Variants in NAV1 observed in about 807,000 individuals in gnomAD.
The protein encoded by NAV1 is neuron navigator 1.
A neutral mutation model predicts 175.2 loss-of-function variants in NAV1; 18 were observed. The ratio of observed to expected loss-of-function variants is 0.10; its 90% CI spans 0.07 to 0.15. The LOEUF is 0.15. Ranked by LOEUF, NAV1 falls within the 10% of genes least tolerant of loss-of-function variation. The probability of loss-of-function intolerance (pLI) is 1.00; values close to 1 mark genes in which losing one functional copy is unlikely to be tolerated. For synonymous variants in NAV1, 897 were observed against 978.7 expected, an observed-to-expected ratio of 0.92 and a Z score of 1.56; for missense variants, 1,731 against 2,436.6, an observed-to-expected ratio of 0.71 and a Z score of 6.10.
chr1:201,659,701 A>C (rs1054325146), intron 1 of NAV1, among the ~76,000 whole-genome samples: 3 of 152,224 alleles, frequency 2.0e-5, no homozygotes, highest in Non-Finnish European at 4.4e-5. Context: ...CCAGTTATCC[A>C]GCTTTGTTTG....
At chr1:201,682,459 C>T (rs1670505305) in intron 1 of NAV1, among the ~76,000 whole-genome samples, 1 of 152,272 alleles carries the variant, frequency 6.6e-6, no homozygotes, top group African/African-American at 2.4e-5. Flanking sequence ...CCCCACTCTC[C>T]CTGGTCAGGC....
chr1:201,657,590 C>T (rs907642785), intron 1 of NAV1, among the ~76,000 whole-genome samples: 2 of 152,240 alleles, frequency 1.3e-5, no homozygotes, highest in Non-Finnish European at 2.9e-5. Context: ...GTCCAGCTCT[C>T]CACCTGGACC....
At position 201,781,919 on chromosome 1, in the gene NAV1, G is replaced by A. The variant is rs1302781838; in HGVS notation, c.1664-257G>A. Among the ~76,000 whole-genome samples the A allele has an allele frequency of 2.6e-5, 4 of 151,686 alleles. No homozygotes were observed. In the East Asian group the frequency reaches 7.7e-4, roughly 29 times the overall value. On this transcript the variant is annotated intron_variant, in intron 5 of 29. Coordinates refer to ENST00000367296, the Ensembl canonical transcript of NAV1. ...CTTGATCATCTTTGTGTTTGCCTCTGCCTTTTTAATCAAAATGGACCATTC... is the reference window on the plus strand; with the variant it reads ...CTTGATCATCTTTGTGTTTGCCTCTACCTTTTTAATCAAAATGGACCATTC...
chr1:201,743,245 C>A (rs1673547583), intron 3 of NAV1, among the ~76,000 whole-genome samples: 1 of 152,150 alleles, frequency 6.6e-6, no homozygotes, highest in South Asian at 2.1e-4. Flanking sequence ...GTTGAGGCCC[C>A]AGGAGTACTA....
chr1:201,732,791 C>T (rs6666310), intron 3 of NAV1, among the ~76,000 whole-genome samples: 35,309 of 152,140 alleles, frequency 0.23, 4,947 homozygotes, highest in Non-Finnish European at 0.32. Context: ...AAAGAAATGG[C>T]CAGGTGTGGT....
At chr1:201,623,903 T>C (rs1032944655) in intron 1 of NAV1, among the ~76,000 whole-genome samples, 4 of 152,144 alleles carry the variant, frequency 2.6e-5, no homozygotes, top group African/African-American at 9.7e-5. Context: ...CCATTTTTGC[T>C]CTCTGGAACA....
chr1:201,762,918 T>G (rs1302269073), intron 3 of NAV1, among the ~76,000 whole-genome samples: 1 of 152,058 alleles, frequency 6.6e-6, no homozygotes, highest in East Asian at 1.9e-4. Context: ...AAATTTAAAA[T>G]CAAATATCAT....
chr1:201,547,064 G>A lies in NAV1; in HGVS notation c.-144+7722G>A, dbSNP rs560999564. ...TGCAATGGCACGATCTCAGCTCACC[G>A]TAACCTCCGTCTCCCGGGTTCAAGC... On this transcript the variant is annotated intron_variant, in intron 1 of 33. Coordinates refer to the NAV1 transcript ENST00000685211. 6.8e-4 allele frequency among the ~76,000 whole-genome samples: 102 copies of A among 149,946 alleles called. 3 individuals are homozygous for A. In the South Asian group the frequency reaches 0.019, roughly 27 times the overall value.
At chr1:201,566,003 GCTGGTCCTTTCTTT>G (rs1271417901) in intron 1 of NAV1, among the ~76,000 whole-genome samples, 3 of 152,130 alleles carry the variant, frequency 2.0e-5, no homozygotes, top group Non-Finnish European at 2.9e-5. Context: ...CAAGGCTGGC[GCTGGTCCTTTCTTT>G]CAGATCCTGG....
chr1:201,717,949 C>T (rs181168558), intron 2 of NAV1, among the ~76,000 whole-genome samples: 247 of 152,348 alleles, frequency 1.6e-3, no homozygotes, highest in African/African-American at 5.5e-3. Flanking sequence ...GGTCTGTTGA[C>T]CCCTTCCATA....
upstream of NAV1, among the ~76,000 whole-genome samples, chr1:201,619,325 G>T (rs1668090820): frequency 6.6e-6 from 1 of 151,468 alleles, no homozygotes; most frequent in Admixed American, 6.6e-5. Flanking sequence ...GGGAGCCCAG[G>T]GATGCATGGA....
intron 1 of NAV1, among the ~76,000 whole-genome samples, chr1:201,628,134 G>A (rs1421720072): frequency 7.3e-6 from 1 of 137,362 alleles, no homozygotes; most frequent in African/African-American, 3.0e-5. Context: ...GTGAGACCCT[G>A]TGTCAAAAAA....
In NAV1 at chr1:201,539,937, T is replaced by C. The variant is rs1048920212; in HGVS notation, c.-144+595T>C. The stretch of plus-strand genomic sequence containing the variant: ...GCCGTCCTCTCTGGCGCCCGCCCAG[T>C]GCGTCTGGGAGCGGAGAAAGTGGTC... On this transcript the variant is annotated intron_variant, in intron 1 of 33. Transcript: ENST00000685211. The surrounding 1 kb of genome is among the most constrained non-coding windows in gnomAD (Gnocchi z 5.6). Among the ~76,000 whole-genome samples, 3 of 152,130 alleles carry C rather than the reference T, an allele frequency of 2.0e-5. No homozygotes were observed. The highest frequency in any genetic ancestry group is 7.2e-5 in the African/African-American group (3 of 41,444).
chr1:201,693,447 G>A (rs779624821), intron 1 of NAV1, among the ~76,000 whole-genome samples: 16 of 152,210 alleles, frequency 1.1e-4, no homozygotes, highest in Non-Finnish European at 2.2e-4. Context: ...GCTGTGTGCT[G>A]CCCAGTGCTG....
intron 2 of NAV1, among the ~76,000 whole-genome samples, chr1:201,642,557 T>TTTCTTTCTTTCTTTCCTTC (rs1571858664): frequency 9.4e-6 from 1 of 106,018 alleles, no homozygotes; most frequent in Non-Finnish European, 1.9e-5. Context: ...TTCTTTCTTT[T>TTTCTTTCTTTCTTTCCTTC]TTCCCTTTCT....
At chr1:201,644,457 AG>A (rs1201672682), upstream of NAV1, among the ~76,000 whole-genome samples, 1 of 152,264 alleles carries the variant, frequency 6.6e-6, no homozygotes, top group East Asian at 1.9e-4. Context: ...GAATCAAAAA[AG>A]AGCCAGATAG....
At chr1:201,744,868 A>G (rs1192928952) in intron 3 of NAV1, among the ~76,000 whole-genome samples, 1 of 152,250 alleles carries the variant, frequency 6.6e-6, no homozygotes, top group Middle Eastern at 3.2e-3. Context: ...TATCTAAGAC[A>G]GAATCCTCTG....
chr1:201,607,085 G>A (rs1156280186), intron 2 of NAV1, among the ~76,000 whole-genome samples: 1 of 151,608 alleles, frequency 6.6e-6, no homozygotes, highest in Non-Finnish European at 1.5e-5. Context: ...TCAATGGCTA[G>A]TGGTGGTAAA....
At chr1:201,746,769 G>A (rs1030535811) in intron 3 of NAV1, among the ~76,000 whole-genome samples, 1 of 152,164 alleles carries the variant, frequency 6.6e-6, no homozygotes, top group East Asian at 1.9e-4. Context: ...GGGAGGCTGA[G>A]GCAGGTGGAT....
Sources: allele counts gnomAD v4.1 joint callset (sites outside exome capture counted in the v4.1 genomes callset), GRCh38; gene constraint gnomAD v4.1.1; non-coding constraint Gnocchi (gnomAD v3.1); transcripts MANE v1.5; gene names NCBI Gene and HGNC (gene_info 2026-07-23, HGNC 2026-07-21).